SYNJ1: variants seen among roughly 807,000 people sequenced by gnomAD.
SYNJ1 encodes the protein synaptojanin 1, also known as polyphosphatidylinositol phosphatase SYNJ1.
In SYNJ1, 78 loss-of-function variants were observed where a neutral mutation model predicts 168.2. The observed-to-expected ratio is 0.46, with a 90% confidence interval of 0.39 to 0.56. SYNJ1 has a LOEUF of 0.56. Among genes scored for constraint, SYNJ1 ranks in the 20% least tolerant of loss-of-function variants. The pLI is 0.00. For missense variants in SYNJ1, 1,303 were observed against 1,597.6 expected (o/e 0.82, Z 3.14); for synonymous variants, 539 against 548.6 (o/e 0.98, Z 0.24).
chr21:32,672,134 T>G (rs1318584975), intron 14 of SYNJ1, among the ~76,000 whole-genome samples: 1 of 150,486 alleles, frequency 6.6e-6, no homozygotes, highest in African/African-American at 2.4e-5. Context: ...AATAAAAAGT[T>G]TGGGGAGAAT....
chr21:32,694,404 T>C lies in SYNJ1; in HGVS notation c.706-93A>G, dbSNP rs1388894355. On this transcript the variant is annotated intron_variant, in intron 5 of 32. Coordinates refer to ENST00000674351, the MANE Select transcript of SYNJ1 (RefSeq NM_203446.3). The stretch of plus-strand genomic sequence containing the variant: ...AAATTTACTAAAATCTATTGCATAC[T>C]AGTTACATTTTATGATCTAACTCTC... The C allele has an allele frequency of 3.4e-6, 3 of 878,222 alleles. No homozygotes were observed. The East Asian group carries it at 9.7e-5, about 28-fold the overall frequency. 54.4% of individuals were successfully genotyped at this position (878,222 alleles called of 1,614,324 possible). A position where few individuals can be genotyped will look rare whatever the true frequency, so the allele number is the denominator to read the frequency against.
chr21:32,694,083 G>A (rs1466828999), intron 6 of SYNJ1, 145 bp downstream of exon 6: 14 of 518,814 alleles, frequency 2.7e-5, no homozygotes, highest in Middle Eastern at 5.2e-4. Flanking sequence ...CTCTGTACTC[G>A]TCTAGACCCT....
chr21:32,709,456 C>A (rs1361968771), intron 2 of SYNJ1, among the ~76,000 whole-genome samples: 1 of 116,504 alleles, frequency 8.6e-6, no homozygotes, highest in Non-Finnish European at 1.6e-5. Flanking sequence ...CCACCCTGGG[C>A]GACACAGCAA....
chr21:32,645,830 A>G, intron 24 of SYNJ1, 41 bp from the exon 25 acceptor site: 1 of 1,515,250 alleles, frequency 6.6e-7, no homozygotes, highest in South Asian at 1.2e-5. Context: ...GCTTCTAAGT[A>G]GCTGTTGACA....
At chr21:32,695,023 A>T (rs763247656) in intron 5 of SYNJ1, 34 bp downstream of exon 5, 2 of 1,558,140 alleles carry the variant, frequency 1.3e-6, no homozygotes, top group Non-Finnish European at 1.8e-6. Context: ...CTCCTATAAT[A>T]AATTAATTAA....
At chr21:32,639,218 A>T (rs1363214470) in intron 30 of SYNJ1, 93 bp from the exon 31 acceptor site, 1 of 1,191,562 alleles carries the variant, frequency 8.4e-7, no homozygotes, top group African/African-American at 1.5e-5. Flanking sequence ...CATTCTAGTT[A>T]TTTCTTCCCC....
chr21:32,722,615 T>C (rs969086773), intron 2 of SYNJ1, among the ~76,000 whole-genome samples: 2 of 152,230 alleles, frequency 1.3e-5, no homozygotes, highest in African/African-American at 4.8e-5. Context: ...TGCATGTTTA[T>C]CAACTTTGTA....
intron 23 of SYNJ1, among the ~76,000 whole-genome samples, chr21:32,648,172 C>G (rs2040143854): frequency 6.6e-6 from 1 of 152,108 alleles, no homozygotes; most frequent in Admixed American, 6.5e-5. Flanking sequence ...ACCATCAGCC[C>G]TTTCTCCTCT....
Position 32,688,417 on chromosome 21 carries a change from G to A in SYNJ1, c.790-50C>T, listed in dbSNP as rs371891931. ...TCAAACCAAAAACCAACATATAGAC[G>A]AAAGAAATATCACTGCTTACAATAT... On this transcript the variant is annotated intron_variant, in intron 6 of 32. Transcript: ENST00000674351. 1.4e-4 allele frequency: 203 copies of A among 1,487,316 alleles called. No homozygotes were observed. The African/African-American group carries it at 2.5e-3, about 18-fold the overall frequency. The allele number at this position is 1,487,316 out of a possible 1,614,324, so 92.1% of individuals were successfully genotyped here.
In SYNJ1 at chr21:32,695,167, C is replaced by T. The variant is rs1306177822; in HGVS notation, c.595G>A (p.Ala199Thr). The stretch of plus-strand genomic sequence containing the variant: ...AATCTTGAAATGAGGCAAGCCTTCG[C>T]CTGTTTATGAGCAGCATAAATTGTT... ...IRTIYAAHKQ[A>T]KACLISRLSC... is the part of the protein sequence containing the mutation. The change falls in exon 5 of 33, where the codon GCG becomes ACG. Residue 199 changes from alanine to threonine, a missense_variant. Ala to Thr is a moderately conservative substitution (Grantham distance 58). Transcript: ENST00000674351. The T allele has an allele frequency of 7.4e-6, 12 of 1,614,144 alleles. No individual in the cohort carries two copies. The highest frequency in any genetic ancestry group is 1.0e-5 in the Non-Finnish European group (12 of 1,180,014).
intron 31 of SYNJ1, among the ~76,000 whole-genome samples, chr21:32,638,017 A>G (rs923735160): frequency 7.2e-5 from 11 of 152,190 alleles, no homozygotes; most frequent in African/African-American, 2.7e-4. Flanking sequence ...GCCAATACGT[A>G]TTATTTCTGT....
At position 32,664,858 on chromosome 21, in the gene SYNJ1, G is replaced by A. The variant is rs566112543; in HGVS notation, c.2304+55C>T. ...TTTTAAAACATCTTGATTTAAAAAG[G>A]CATGTTTCACGACCCAAAATCTTAA... is the stretch of plus-strand genomic sequence containing the variant. On this transcript the variant is annotated intron_variant, in intron 18 of 32. Coordinates refer to ENST00000674351, the MANE Select transcript of SYNJ1 (RefSeq NM_203446.3). 4,310 of 1,451,586 alleles carry A rather than the reference G, an allele frequency of 3.0e-3. 12 individuals carry two copies. The highest frequency in any genetic ancestry group is 3.1e-3 in the Non-Finnish European group (3,352 of 1,081,644). The allele number at this position is 1,451,586 out of a possible 1,614,324, so 89.9% of individuals were successfully genotyped here.
At chr21:32,645,859 T>C in intron 24 of SYNJ1, 70 bp from the exon 25 acceptor site, 2 of 1,513,700 alleles carry the variant, frequency 1.3e-6, no homozygotes, top group Non-Finnish European at 1.8e-6. Context: ...CAGTCCTTCA[T>C]ATATATGTGT....
chr21:32,714,982 A>G lies in SYNJ1; in HGVS notation c.124+11790T>C, dbSNP rs545023985. The stretch of plus-strand genomic sequence containing the variant: ...TAATTATTCAACCCAGCTCTCATCA[A>G]TCCTACGTCACTTTGCCACAACTAA... On this transcript the variant is annotated intron_variant, in intron 2 of 32. Coordinates refer to ENST00000674351, the MANE Select transcript of SYNJ1 (RefSeq NM_203446.3). Among the ~76,000 whole-genome samples the G allele has an allele frequency of 1.2e-4, 19 of 152,258 alleles. No individual in the cohort carries two copies. In the South Asian group the frequency reaches 3.9e-3, roughly 32 times the overall value.
intron 13 of SYNJ1, among the ~76,000 whole-genome samples, chr21:32,674,094 A>T (rs2041309650): frequency 6.6e-6 from 1 of 152,224 alleles, no homozygotes; most frequent in Non-Finnish European, 1.5e-5. Flanking sequence ...CATCTCACTC[A>T]GAGTGGAAGC....
At chr21:32,643,770 C>G (rs2039949797) in intron 26 of SYNJ1, among the ~76,000 whole-genome samples, 1 of 152,106 alleles carries the variant, frequency 6.6e-6, no homozygotes, top group South Asian at 2.1e-4. Flanking sequence ...TCATCTTACT[C>G]CTTATATCCA....
rs1251921668 is a variant in SYNJ1 at position 32,630,657 on chromosome 21, C to CAGCTG, written c.*1143_*1147dup. On this transcript the variant is annotated 3_prime_UTR_variant, in exon 33 of 33. Coordinates refer to ENST00000674351, the MANE Select transcript of SYNJ1 (RefSeq NM_203446.3). Reference sequence around the variant, plus strand: ...AGTATGAGAGGGCTGGTGGAAATGTCAGCTGAAAGTTGGGTGGGCTTTTTG... The same window carrying CAGCTG: ...AGTATGAGAGGGCTGGTGGAAATGTCAGCTGAGCTGAAAGTTGGGTGGGCTTTTTG... 1.1e-5 allele frequency: 2 copies of CAGCTG among 184,092 alleles called. No individual in the cohort carries two copies. Among genetic ancestry groups the CAGCTG allele is most frequent in the Admixed American group, 1.1e-4 (2 of 18,624 alleles). 11.4% of individuals were successfully genotyped at this position (184,092 alleles called of 1,614,324 possible). A position where few individuals can be genotyped will look rare whatever the true frequency, so the allele number is the denominator to read the frequency against.
At chr21:32,646,366 T>C (rs994464893) in intron 24 of SYNJ1, 27 bp downstream of exon 24, 19 of 1,605,418 alleles carry the variant, frequency 1.2e-5, no homozygotes, top group Admixed American at 1.7e-5. Flanking sequence ...CAGGAAGCCA[T>C]ACAAAACTTT....
intron 24 of SYNJ1, 98 bp from the exon 25 acceptor site, chr21:32,645,887 G>GTGCACATTTA (rs1475649592): frequency 6.8e-7 from 1 of 1,477,400 alleles, no homozygotes; most frequent in East Asian, 2.4e-5. Context: ...TATAAAATGT[G>GTGCACATTTA]CACAATGGTG....
Sources: allele counts gnomAD v4.1 joint callset (sites outside exome capture counted in the v4.1 genomes callset), GRCh38; gene constraint gnomAD v4.1.1; transcripts MANE v1.5; gene names NCBI Gene and HGNC (gene_info 2026-07-23, HGNC 2026-07-21).